The following SH3PXD2A variants were observed in gnomAD, a reference collection of about 807,000 sequenced individuals.
The protein encoded by SH3PXD2A is SH3 and PX domains 2A.
A neutral mutation model predicts 115.2 loss-of-function variants in SH3PXD2A; 32 were observed. The ratio of observed to expected loss-of-function variants is 0.28; its 90% CI spans 0.21 to 0.37. The LOEUF (loss-of-function observed/expected upper bound fraction) is 0.37. Ranked by LOEUF, SH3PXD2A falls within the 10% of genes least tolerant of loss-of-function variation. SH3PXD2A has a pLI of 1.00. For synonymous variants in SH3PXD2A, 610 were observed against 629.1 expected (o/e 0.97, Z 0.45); for missense variants, 1,328 against 1,498.7 (o/e 0.89, Z 1.88).
chr10:103,753,826 G>A (rs996748420), intron 3 of SH3PXD2A: 1 of 152,170 alleles, frequency 6.6e-6, no homozygotes, highest in Non-Finnish European at 1.5e-5. Context: ...AAAGCTGTTT[G>A]CAACTTTTTC....
At position 103,789,558 on chromosome 10, in the gene SH3PXD2A, A is replaced by ACACAC. The variant is rs1564889466; in HGVS notation, c.153+11723_153+11724insGTGTG. On this transcript the variant is annotated intron_variant, in intron 2 of 14. Coordinates refer to ENST00000369774, the MANE Select transcript of SH3PXD2A (RefSeq NM_001394015.1). ...ACACACACACACACACACACACACAACACTCACCTGGCCACCACCAAAGAT... is the reference window on the plus strand; with the variant it reads ...ACACACACACACACACACACACACAACACACCACTCACCTGGCCACCACCAAAGAT... Among the ~76,000 whole-genome samples the ACACAC allele has an allele frequency of 2.0e-3, 274 of 134,294 alleles. 3 individuals are homozygous for ACACAC. The highest frequency in any genetic ancestry group is 6.7e-3 in the African/African-American group (240 of 35,674). 88.1% of individuals were successfully genotyped at this position (134,294 alleles called of 152,430 possible). A position where few individuals can be genotyped will look rare whatever the true frequency, so the allele number is the denominator to read the frequency against.
intron 1 of SH3PXD2A, among the ~76,000 whole-genome samples, chr10:103,811,995 T>C (rs1320872114): frequency 6.6e-6 from 1 of 152,246 alleles, no homozygotes; most frequent in African/African-American, 2.4e-5. Flanking sequence ...CACAGTCTTT[T>C]GCACTTATGA....
At chr10:103,680,435 C>T (rs558479759) in intron 6 of SH3PXD2A, among the ~76,000 whole-genome samples, 1 of 151,936 alleles carries the variant, frequency 6.6e-6, no homozygotes, top group Admixed American at 6.6e-5. Context: ...TGTGCCACCA[C>T]ACTGGACTAA....
chr10:103,744,144 C>T (rs2038474150), intron 3 of SH3PXD2A, among the ~76,000 whole-genome samples: 1 of 151,416 alleles, frequency 6.6e-6, no homozygotes, highest in Non-Finnish European at 1.5e-5. Context: ...AATGGCAGGC[C>T]CCTGCTTGTC....
chr10:103,608,140 A>G (rs1217343720), intron 13 of SH3PXD2A, among the ~76,000 whole-genome samples: 2 of 148,138 alleles, frequency 1.4e-5, no homozygotes, highest in African/African-American at 5.0e-5. Context: ...ACACCCAAGA[A>G]TGATCAATTT....
chr10:103,782,936 G>A (rs1370312783), intron 2 of SH3PXD2A, among the ~76,000 whole-genome samples: 1 of 151,176 alleles, frequency 6.6e-6, no homozygotes, highest in Non-Finnish European at 1.5e-5. Context: ...CATGCCTTGG[G>A]GGGGGGGGCT....
intron 2 of SH3PXD2A, among the ~76,000 whole-genome samples, chr10:103,772,637 T>G (rs933571549): frequency 1.3e-5 from 2 of 152,182 alleles, no homozygotes; most frequent in African/African-American, 4.8e-5. Context: ...ACAGCTGGGC[T>G]CCACGCGCTG....
intron 7 of SH3PXD2A, among the ~76,000 whole-genome samples, chr10:103,662,572 TG>T (rs1356540384): frequency 6.6e-6 from 1 of 150,880 alleles, no homozygotes; most frequent in East Asian, 2.0e-4. Flanking sequence ...GCTAATTTTT[TG>T]TATTTTTAGT....
intron 2 of SH3PXD2A, among the ~76,000 whole-genome samples, chr10:103,798,123 G>A (rs1300337968): frequency 7.9e-5 from 12 of 152,138 alleles, no homozygotes; most frequent in Non-Finnish European, 1.3e-4. Context: ...CATAAGGGAG[G>A]GGAAGTACGG....
rs931124147 is a variant in SH3PXD2A, at chr10:103,740,894, C to A, written c.230-5086G>T. Among the ~76,000 whole-genome samples the A allele has an allele frequency of 3.9e-5, 6 of 152,190 alleles. No individual in the cohort carries two copies. In the East Asian group the frequency reaches 9.6e-4, roughly 24 times the overall value. ...CTGCTGTGCTGGGCTCTGTTCCAGG[C>A]GCTGGGAGCACAGCAGTGAACCAGA... is the stretch of plus-strand genomic sequence containing the variant. On this transcript the variant is annotated intron_variant, in intron 3 of 14. Transcript: ENST00000369774.
intron 3 of SH3PXD2A, among the ~76,000 whole-genome samples, chr10:103,744,007 A>G (rs2038472463): frequency 6.6e-6 from 1 of 152,200 alleles, no homozygotes; most frequent in Non-Finnish European, 1.5e-5. Flanking sequence ...ACGGCGGAAC[A>G]GCCTCTACTG....
At chr10:103,783,865 C>T (rs146803426) in intron 2 of SH3PXD2A, among the ~76,000 whole-genome samples, 1 of 152,372 alleles carries the variant, frequency 6.6e-6, no homozygotes, top group African/African-American at 2.4e-5. Context: ...CCTTGTAAAG[C>T]AGCCCCCGCA....
chr10:103,675,622 A>ATAATTATACCAGTTTCCACTTACT (rs2037522118), intron 6 of SH3PXD2A, among the ~76,000 whole-genome samples: 1 of 152,214 alleles, frequency 6.6e-6, no homozygotes, highest in Admixed American at 6.5e-5. Flanking sequence ...TGGAGCTAGA[A>ATAATTATACCAGTTTCCACTTACT]TAATTATACC....
chr10:103,837,916 C>T (rs527860318), intron 1 of SH3PXD2A, among the ~76,000 whole-genome samples: 40 of 152,178 alleles, frequency 2.6e-4, no homozygotes, highest in African/African-American at 5.1e-4. Context: ...CCCACTGAGC[C>T]GCCTCTTGGG....
At position 103,596,627 on chromosome 10, in the gene SH3PXD2A, A is replaced by T. The variant is rs887985452; in HGVS notation, c.*5189T>A. 3 of 128,948 alleles carry T rather than the reference A, an allele frequency of 2.3e-5. No individual in the cohort carries two copies. Among genetic ancestry groups the T allele is most frequent in the Non-Finnish European group, 1.6e-5 (1 of 61,812 alleles). 8.0% of individuals were successfully genotyped at this position (128,948 alleles called of 1,614,324 possible). On this transcript the variant is annotated 3_prime_UTR_variant, in exon 15 of 15. Coordinates refer to ENST00000369774, the MANE Select transcript of SH3PXD2A (RefSeq NM_001394015.1). Reference sequence around the variant, plus strand: ...CAAGTGGGAAGTTACCAACACTTGCATACACAGACACACACACACACACAC... The same window carrying T: ...CAAGTGGGAAGTTACCAACACTTGCTTACACAGACACACACACACACACAC...
intron 5 of SH3PXD2A, among the ~76,000 whole-genome samples, chr10:103,706,082 C>A (rs940228796): frequency 6.6e-6 from 1 of 152,132 alleles, no homozygotes; most frequent in Non-Finnish European, 1.5e-5. Flanking sequence ...GAGGTCACAA[C>A]TTCAGGGCTG....
chr10:103,785,192 G>A (rs1467512205), intron 2 of SH3PXD2A, among the ~76,000 whole-genome samples: 1 of 152,222 alleles, frequency 6.6e-6, no homozygotes, highest in East Asian at 1.9e-4. Flanking sequence ...TTGGGGGCCA[G>A]CCTGTCCCTG....
intron 1 of SH3PXD2A, among the ~76,000 whole-genome samples, chr10:103,820,902 A>G (rs1452683743): frequency 6.6e-6 from 1 of 152,200 alleles, no homozygotes; most frequent in Non-Finnish European, 1.5e-5. Context: ...AACACAGGGA[A>G]GCCCAATGTG....
In SH3PXD2A at chr10:103,603,146, G is replaced by A. The variant is rs368518233; in HGVS notation, c.2072C>T (p.Ser691Phe). The A allele has an allele frequency of 3.7e-6, 6 of 1,613,674 alleles. No individual in the cohort carries two copies. The African/African-American group carries it at 6.7e-5, about 18-fold the overall frequency. ...AGTGGTGTTGATGGTGATGGATGAG[G>A]AAAAGGAGGCTGAGGAGTGGTTCTT... is the stretch of plus-strand genomic sequence containing the variant. ...MGKNHSSASF[S>F]SSITINTTCC... Residue 691 changes from serine (S) to phenylalanine (F), a missense_variant, in exon 15 of 15, where the codon TCC becomes TTC. Physicochemically the swap from Ser to Phe is radical, Grantham distance 155. This residue lies in a region of SH3PXD2A where 574 missense variants were observed against 565.7 expected (regional missense o/e 1.01). Coordinates refer to ENST00000369774, the MANE Select transcript of SH3PXD2A (RefSeq NM_001394015.1).
Sources: gnomAD v4.1 joint callset for allele counts (sites outside exome capture counted in the v4.1 genomes callset) on GRCh38, gnomAD v4.1.1 for gene constraint, gnomAD v4.1.1 regional missense constraint, MANE v1.5 for transcripts, NCBI Gene and HGNC (gene_info 2026-07-23, HGNC 2026-07-21) for gene names.